KDM4B: variants seen among roughly 807,000 people sequenced by gnomAD.
The protein encoded by KDM4B is lysine-specific demethylase 4B.
KDM4B carries 32 observed loss-of-function variants against 125.2 expected under a neutral mutation model. The ratio of observed to expected loss-of-function variants is 0.26; its 90% CI spans 0.19 to 0.34. The LOEUF is 0.34. Among genes scored for constraint, KDM4B ranks in the 10% least tolerant of loss-of-function variants. KDM4B has a pLI of 1.00. For synonymous variants in KDM4B, 721 were observed against 677.9 expected (o/e 1.06, Z -0.99); for missense variants, 1,190 against 1,577.7 (o/e 0.75, Z 4.16).
At chr19:5,135,288 C>CGCCT (rs747971690) in intron 14 of KDM4B, 51 bp from the exon 15 acceptor site, 3 of 1,356,592 alleles carry the variant, frequency 2.2e-6, no homozygotes, top group Non-Finnish European at 2.1e-6. Context: ...GCCGCCCGCC[C>CGCCT]GCCTGCCCCA....
chr19:5,147,429 C>T (rs1167645725), intron 21 of KDM4B, among the ~76,000 whole-genome samples: 3 of 152,096 alleles, frequency 2.0e-5, no homozygotes, highest in East Asian at 1.9e-4. Flanking sequence ...TCAAGGAAGC[C>T]GAGCTAATGA....
intron 9 of KDM4B, among the ~76,000 whole-genome samples, chr19:5,089,404 T>TA (rs1302550508): frequency 1.3e-5 from 2 of 152,234 alleles, no homozygotes; most frequent in African/African-American, 4.8e-5. Flanking sequence ...TGGAAAGTTC[T>TA]ATGACCAGGG....
chr19:5,086,652 C>G (rs2620800), intron 9 of KDM4B, among the ~76,000 whole-genome samples: 6,528 of 152,306 alleles, frequency 0.043, 203 homozygotes, highest in Non-Finnish European at 0.068. Context: ...TCCTCCCCCC[C>G]CCAGCCCCCA....
chr19:5,082,783 G>A lies in KDM4B; in HGVS notation c.918+279G>A, dbSNP rs1244914334. Among the ~76,000 whole-genome samples, 6 of 152,196 alleles carry A rather than the reference G, an allele frequency of 3.9e-5. No individual in the cohort carries two copies. The highest frequency in any genetic ancestry group is 1.5e-5 in the Non-Finnish European group (1 of 68,014). The stretch of plus-strand genomic sequence containing the variant: ...CACCAGTTATCCCTCGGCCTGCGTG[G>A]GCCTCCTGGGCATGGCCGGCTGCTC... On this transcript the variant is annotated intron_variant, in intron 9 of 22. Coordinates refer to ENST00000159111, the MANE Select transcript of KDM4B (RefSeq NM_015015.3). The surrounding 1 kb of genome is among the most constrained non-coding windows in gnomAD (Gnocchi z 5.4).
intron 21 of KDM4B, among the ~76,000 whole-genome samples, chr19:5,147,656 T>A (rs923723989): frequency 4.8e-5 from 7 of 146,984 alleles, no homozygotes. Flanking sequence ...GGTGGGAGGA[T>A]CACTTGAGCC....
intron 18 of KDM4B, among the ~76,000 whole-genome samples, chr19:5,143,015 C>A (rs983951056): frequency 6.6e-6 from 1 of 152,208 alleles, no homozygotes; most frequent in East Asian, 1.9e-4. Flanking sequence ...AGGCTTCTCT[C>A]AGGGCTTCTT....
chr19:5,001,029 G>C (rs1243518068), intron 1 of KDM4B, among the ~76,000 whole-genome samples: 7 of 151,578 alleles, frequency 4.6e-5, no homozygotes, highest in African/African-American at 1.7e-4. Flanking sequence ...TTTTTTTAAT[G>C]TCCCCTTCTT....
intron 1 of KDM4B, among the ~76,000 whole-genome samples, chr19:5,000,804 T>C (rs2035360094): frequency 6.6e-6 from 1 of 152,224 alleles, no homozygotes; most frequent in African/African-American, 2.4e-5. Context: ...TTGCTGATTT[T>C]AGTTGCCTGT....
chr19:5,005,166 G>C (rs2035518060), intron 1 of KDM4B, among the ~76,000 whole-genome samples: 1 of 152,246 alleles, frequency 6.6e-6, no homozygotes. Context: ...GGAGTTGATG[G>C]TGGACTTCTG....
At chr19:5,045,201 C>T (rs555626910) in intron 5 of KDM4B, among the ~76,000 whole-genome samples, 14 of 152,186 alleles carry the variant, frequency 9.2e-5, no homozygotes, top group Non-Finnish European at 1.3e-4. Context: ...CGCTTCCCCG[C>T]CCCCATCTGG....
intron 2 of KDM4B, among the ~76,000 whole-genome samples, chr19:5,029,330 G>T (rs964471073): frequency 6.6e-6 from 1 of 152,182 alleles, no homozygotes; most frequent in Admixed American, 6.5e-5. Flanking sequence ...GCTCTTCCAG[G>T]GTGTCTGATG....
intron 1 of KDM4B, among the ~76,000 whole-genome samples, chr19:4,999,338 C>T (rs2035296968): frequency 6.6e-6 from 1 of 152,184 alleles, no homozygotes; most frequent in Non-Finnish European, 1.5e-5. Context: ...GGCCATTTGA[C>T]ATGTCCCCAC....
chr19:5,007,770 C>A (rs2035607963), intron 1 of KDM4B, among the ~76,000 whole-genome samples: 1 of 152,044 alleles, frequency 6.6e-6, no homozygotes, highest in Non-Finnish European at 1.5e-5. Flanking sequence ...CTAGTCTGGT[C>A]TTGAACTCCT....
intron 9 of KDM4B, among the ~76,000 whole-genome samples, chr19:5,097,401 A>G (rs1289422938): frequency 1.3e-5 from 2 of 152,108 alleles, no homozygotes; most frequent in Non-Finnish European, 2.9e-5. Flanking sequence ...CAGGTATTGC[A>G]CCACCATGCC....
intron 2 of KDM4B, among the ~76,000 whole-genome samples, chr19:5,030,480 C>G (rs2036417341): frequency 6.6e-6 from 1 of 152,184 alleles, no homozygotes; most frequent in African/African-American, 2.4e-5. Flanking sequence ...GTGGGCCAGC[C>G]CCTCACATGA....
At chr19:5,119,234 C>T (rs932468925) in intron 10 of KDM4B, 16 of 1,491,446 alleles carry the variant, frequency 1.1e-5, no homozygotes, top group East Asian at 2.5e-5. Flanking sequence ...GTGTCTTTTT[C>T]GTTCCGTTTG....
chr19:5,065,882 C>T (rs919233263), intron 6 of KDM4B, among the ~76,000 whole-genome samples: 1 of 152,206 alleles, frequency 6.6e-6, no homozygotes, highest in South Asian at 2.1e-4. Context: ...GTCGGGGCCT[C>T]GCAGCATCCC....
chr19:4,986,966 T>C (rs181624811), intron 1 of KDM4B, among the ~76,000 whole-genome samples: 1 of 151,928 alleles, frequency 6.6e-6, no homozygotes, highest in African/African-American at 2.4e-5. Context: ...ATTTTATTTT[T>C]TTTTTTGTGA....
chr19:5,003,895 G>A (rs2035471271), intron 1 of KDM4B, among the ~76,000 whole-genome samples: 2 of 152,140 alleles, frequency 1.3e-5, no homozygotes, highest in South Asian at 4.1e-4. Context: ...GTCTGTGTTT[G>A]GTCTTCCTCG....
Sources: gnomAD v4.1 joint callset for allele counts (sites outside exome capture counted in the v4.1 genomes callset) on GRCh38, gnomAD v4.1.1 for gene constraint, Gnocchi (gnomAD v3.1) non-coding constraint, MANE v1.5 for transcripts, NCBI Gene and HGNC (gene_info 2026-07-23, HGNC 2026-07-21) for gene names.